The following ZFHX3 variants were observed in gnomAD, a reference collection of about 807,000 sequenced individuals.
The protein encoded by ZFHX3 is zinc finger homeobox protein 3.
Under a neutral mutation model 279.1 loss-of-function variants are expected in ZFHX3, and 42 were observed. The observed-to-expected ratio is 0.15, with a 90% CI of 0.12 to 0.19. The LOEUF (loss-of-function observed/expected upper bound fraction) is 0.19. Among genes scored for constraint, ZFHX3 ranks in the 10% least tolerant of loss-of-function variants. ZFHX3 has a pLI of 1.00. For missense variants in ZFHX3, 4,981 were observed against 4,754.0 expected (o/e 1.05, Z -1.40); for synonymous variants, 2,293 against 1,957.8 (o/e 1.17, Z -4.52).
In ZFHX3 at chr16:72,793,314, G is replaced by A; in HGVS notation, c.9368C>T (p.Pro3123Leu). 1 of 1,614,152 alleles carries A rather than the reference G, an allele frequency of 6.2e-7. No individual in the cohort carries two copies. The change falls in exon 9 of 10, where the codon CCT becomes CTT. Residue 3123 changes from proline (P) to leucine (L), a missense_variant. Transcript: ENST00000268489. The surrounding 1 kb of genome is among the most constrained non-coding windows in gnomAD (Gnocchi z 4.3). ...GCTGTTGAGGCCCGGGAGCAACACA[G>A]GAGGAATGCCCTGGAGCGCTGGATA... ...TAYPALQGIPPVLLPGLNSPS... is the reference protein window; with the variant it reads ...TAYPALQGIPLVLLPGLNSPS...
intron 3 of ZFHX3, among the ~76,000 whole-genome samples, chr16:73,403,549 A>ATTT (rs4011554): frequency 1.3e-5 from 2 of 151,720 alleles, no homozygotes; most frequent in African/African-American, 4.8e-5. Context: ...GCCACATGCA[A>ATTT]TTTTTTTTTA....
chr16:73,350,876 C>T (rs1268287679), intron 3 of ZFHX3, among the ~76,000 whole-genome samples: 1 of 152,098 alleles, frequency 6.6e-6, no homozygotes, highest in African/African-American at 2.4e-5. Flanking sequence ...CTGGGCAATC[C>T]CAGAGCCTGA....
intron 2 of ZFHX3, among the ~76,000 whole-genome samples, chr16:73,471,233 T>G (rs2018660727): frequency 6.6e-6 from 1 of 152,158 alleles, no homozygotes; most frequent in South Asian, 2.1e-4. Context: ...TCTTGGGCTG[T>G]TTTTACAAAA....
chr16:73,649,418 T>G (rs535657066), intron 2 of ZFHX3, among the ~76,000 whole-genome samples: 48 of 152,154 alleles, frequency 3.2e-4, no homozygotes, highest in Admixed American at 4.6e-4. Context: ...TATGGCATGA[T>G]TCCCTTTCAG....
chr16:73,299,508 G>C (rs1261090867), intron 4 of ZFHX3, among the ~76,000 whole-genome samples: 3 of 152,146 alleles, frequency 2.0e-5, no homozygotes, highest in Non-Finnish European at 4.4e-5. Flanking sequence ...CGCTGATTCT[G>C]TTGACAGTAT....
At chr16:73,443,938 ATAATAAAATATTTGTATTATTTATGAT>A (rs1254387567) in intron 3 of ZFHX3, among the ~76,000 whole-genome samples, 7 of 151,730 alleles carry the variant, frequency 4.6e-5, no homozygotes, top group African/African-American at 1.7e-4. Context: ...TATTTTCTTT[ATAATAAAATATTTGTATTATTTATGAT>A]GCCCAGGCTG....
intron 2 of ZFHX3, among the ~76,000 whole-genome samples, chr16:73,484,898 T>C (rs576198715): frequency 2.0e-5 from 3 of 152,122 alleles, no homozygotes; most frequent in Non-Finnish European, 4.4e-5. Context: ...GAAAGGAATA[T>C]AAATCTACTT....
intron 1 of ZFHX3, among the ~76,000 whole-genome samples, chr16:73,784,816 T>TATATATACACACACACACACACACAC (rs1555501460): frequency 7.4e-6 from 1 of 135,510 alleles, no homozygotes; most frequent in African/African-American, 2.9e-5. Flanking sequence ...TATATATATA[T>TATATATACACACACACACACACACAC]ACACACACAC....
intron 2 of ZFHX3, among the ~76,000 whole-genome samples, chr16:73,482,890 T>C (rs1036875476): frequency 6.6e-6 from 1 of 152,210 alleles, no homozygotes; most frequent in African/African-American, 2.4e-5. Flanking sequence ...TTTGGATCTT[T>C]CAATCTATCC....
intron 5 of ZFHX3, among the ~76,000 whole-genome samples, chr16:73,181,997 A>G (rs1213664161): frequency 6.6e-6 from 1 of 151,924 alleles, no homozygotes; most frequent in Non-Finnish European, 1.5e-5. Context: ...GAGTGGGAGC[A>G]CTCTTCTCTA....
chr16:73,701,612 C>T lies in ZFHX3; in HGVS notation c.-1607-21372G>A, dbSNP rs111382909. ...TTCCTCTTAGGATCTCTTGGCAGCA[C>T]CAAATTTTTCATTGAGAAAACGATA... is the stretch of plus-strand genomic sequence containing the variant. On this transcript the variant is annotated intron_variant, in intron 1 of 17. Transcript: ENST00000641206. Among the ~76,000 whole-genome samples, 572 of 152,210 alleles carry T rather than the reference C, an allele frequency of 3.8e-3. 3 individuals carry two copies. Among genetic ancestry groups the T allele is most frequent in the African/African-American group, 0.013 (545 of 41,518 alleles).
At chr16:73,739,951 T>C (rs1349984126) in intron 1 of ZFHX3, among the ~76,000 whole-genome samples, 1 of 152,178 alleles carries the variant, frequency 6.6e-6, no homozygotes, top group East Asian at 1.9e-4. Context: ...ACCAGCCAAC[T>C]GTGTGCACTT....
chr16:73,091,038 C>T (rs1301667910), intron 8 of ZFHX3, among the ~76,000 whole-genome samples: 4 of 151,768 alleles, frequency 2.6e-5, no homozygotes, highest in Non-Finnish European at 4.4e-5. Context: ...GGTAAAACCC[C>T]GTCTCTACTA....
chr16:73,098,705 C>T (rs921098337), intron 7 of ZFHX3: 5 of 152,120 alleles, frequency 3.3e-5, no homozygotes. Flanking sequence ...TTCATCTGAT[C>T]TACCTTTATC....
intron 1 of ZFHX3, among the ~76,000 whole-genome samples, chr16:73,010,040 A>AAAAAAAC (rs1416241740): frequency 3.3e-5 from 5 of 150,932 alleles, no homozygotes; most frequent in African/African-American, 1.2e-4. Context: ...AAAAAAAAAA[A>AAAAAAAC]AAACTCATAA....
At chr16:73,379,838 T>C (rs981140879) in intron 3 of ZFHX3, among the ~76,000 whole-genome samples, 6 of 152,170 alleles carry the variant, frequency 3.9e-5, no homozygotes, top group African/African-American at 1.4e-4. Flanking sequence ...TAAATTAGGA[T>C]GGAAATTGCA....
intron 2 of ZFHX3, among the ~76,000 whole-genome samples, chr16:73,581,660 T>TC (rs2051862193): frequency 4.6e-5 from 3 of 64,688 alleles, no homozygotes; most frequent in African/African-American, 1.2e-4. Flanking sequence ...CGAATGTCTC[T>TC]TTTTTTTTTT....
At chr16:73,589,259 CAAAAAAAAAAAAAAAA>C (rs34481194) in intron 2 of ZFHX3, among the ~76,000 whole-genome samples, 5 of 30,956 alleles carry the variant, frequency 1.6e-4, no homozygotes, top group African/African-American at 4.2e-4. Flanking sequence ...GATTCTGTCT[CAAAAAAAAAAAAAAAA>C]AAAAAAAAAA....
At chr16:73,645,463 A>G (rs981134381) in intron 2 of ZFHX3, among the ~76,000 whole-genome samples, 2 of 152,102 alleles carry the variant, frequency 1.3e-5, no homozygotes, top group East Asian at 1.9e-4. Flanking sequence ...TCACCATGTT[A>G]GCCAGGATGG....
Sources: gnomAD v4.1 joint callset for allele counts (sites outside exome capture counted in the v4.1 genomes callset) on GRCh38, gnomAD v4.1.1 for gene constraint, Gnocchi (gnomAD v3.1) non-coding constraint, MANE v1.5 for transcripts, NCBI Gene and HGNC (gene_info 2026-07-23, HGNC 2026-07-21) for gene names.